HERC4: variants seen among roughly 807,000 people sequenced by gnomAD.
HERC4 encodes probable E3 ubiquitin-protein ligase HERC4.
Under a neutral mutation model 124.3 loss-of-function variants are expected in HERC4, and 28 were observed. That is an observed-to-expected ratio of 0.23 (90% CI 0.17 to 0.31). HERC4 has a LOEUF of 0.31. Ranked by LOEUF, HERC4 falls within the 10% of genes least tolerant of loss-of-function variation. The probability of loss-of-function intolerance (pLI) is 1.00; values close to 1 mark genes in which losing one functional copy is unlikely to be tolerated. For synonymous variants in HERC4, 407 were observed against 421.5 expected, an observed-to-expected ratio of 0.97 and a Z score of 0.42; for missense variants, 713 against 1,229.3, an observed-to-expected ratio of 0.58 and a Z score of 6.28.
At chr10:67,961,311 G>A (rs1589189703) in intron 16 of HERC4, 1 of 153,760 alleles carries the variant, frequency 6.5e-6, no homozygotes, top group Admixed American at 6.5e-5. Context: ...TATAATTTTG[G>A]TTCCTTGAGT....
chr10:68,035,738 G>T (rs1392464065), intron 5 of HERC4, among the ~76,000 whole-genome samples: 1 of 151,922 alleles, frequency 6.6e-6, no homozygotes, highest in Non-Finnish European at 1.5e-5. Flanking sequence ...ATTCTCCAAT[G>T]GCCAGTTCTC....
At chr10:67,975,118 G>C (rs1444317002) in intron 15 of HERC4, among the ~76,000 whole-genome samples, 1 of 152,000 alleles carries the variant, frequency 6.6e-6, no homozygotes, top group African/African-American at 2.4e-5. Context: ...GAACCCGGGA[G>C]GCAGAGGTTG....
At chr10:68,072,023 A>G (rs1028945555) in intron 3 of HERC4, among the ~76,000 whole-genome samples, 1 of 152,210 alleles carries the variant, frequency 6.6e-6, no homozygotes, top group African/African-American at 2.4e-5. Flanking sequence ...TAATAAACTG[A>G]TAAAATAACT....
chr10:67,959,968 T>A (rs1021079435), intron 16 of HERC4, among the ~76,000 whole-genome samples: 3 of 152,200 alleles, frequency 2.0e-5, no homozygotes, highest in Non-Finnish European at 2.9e-5. Context: ...AGAGAGGGCA[T>A]TGCCCTGGGT....
At chr10:68,058,437 T>C (rs879894885) in intron 3 of HERC4, among the ~76,000 whole-genome samples, 2 of 152,176 alleles carry the variant, frequency 1.3e-5, no homozygotes, top group Non-Finnish European at 2.9e-5. Flanking sequence ...CAGGACAATA[T>C]ACAGTCATTA....
intron 3 of HERC4, among the ~76,000 whole-genome samples, chr10:68,050,725 T>C (rs893424028): frequency 6.6e-6 from 1 of 152,190 alleles, no homozygotes; most frequent in Non-Finnish European, 1.5e-5. Flanking sequence ...CAACCATTTT[T>C]CCCCAGTATC....
chr10:68,061,422 A>C (rs956750271), intron 3 of HERC4, among the ~76,000 whole-genome samples: 2 of 151,252 alleles, frequency 1.3e-5, no homozygotes, highest in Admixed American at 1.3e-4. Flanking sequence ...AGTCCCAGCT[A>C]ATCGGGAGGC....
chr10:68,069,030 T>C (rs2041441217), intron 3 of HERC4: 1 of 984,292 alleles, frequency 1.0e-6, no homozygotes. Flanking sequence ...CCACTTTATT[T>C]ACAAATTATG....
At chr10:67,966,540 T>G (rs151134683) in intron 16 of HERC4, 143 bp downstream of exon 16, 14 of 699,134 alleles carry the variant, frequency 2.0e-5, no homozygotes, top group African/African-American at 1.7e-4. Context: ...ATAGCACTCC[T>G]TTGCAATGTG....
rs146943425 is a variant in HERC4, at chr10:67,991,144, C to T, written c.1327G>A (p.Val443Ile). 3.5e-5 allele frequency: 53 copies of T among 1,529,684 alleles called. No individual in the cohort carries two copies. In the East Asian group the frequency reaches 5.8e-4, roughly 17 times the overall value. 94.8% of individuals were successfully genotyped at this position (1,529,684 alleles called of 1,614,324 possible). Reference sequence around the variant, plus strand: ...TATTAAAGAATTGCCACTTACCTAACAGCTAAAAAACTTCCATTTAGGCAA... The same window carrying T: ...TATTAAAGAATTGCCACTTACCTAATAGCTAAAAAACTTCCATTTAGGCAA... ...SGCLNGSFLA[V>I]SNDDHYRTGT... Residue 443 changes from valine (V) to isoleucine (I), a missense_variant, in exon 12 of 25, where the codon GTT becomes ATT. Val to Ile is a conservative substitution (Grantham distance 29, BLOSUM62 3). Coordinates refer to ENST00000373700, the MANE Select transcript of HERC4 (RefSeq NM_015601.4).
intron 15 of HERC4, among the ~76,000 whole-genome samples, chr10:67,983,144 G>C (rs889310635): frequency 6.6e-5 from 10 of 150,910 alleles, no homozygotes; most frequent in Non-Finnish European, 1.5e-5. Flanking sequence ...CCGAACACCA[G>C]TGAAATGCAA....
At chr10:67,948,380 C>A (rs1286156115) in intron 19 of HERC4, among the ~76,000 whole-genome samples, 2 of 150,950 alleles carry the variant, frequency 1.3e-5, no homozygotes, top group Non-Finnish European at 3.0e-5. Flanking sequence ...AGACAATTCT[C>A]AAAAGTAGAT....
At chr10:67,992,857 AATG>A (rs1374080254) in intron 9 of HERC4, 175 bp from the exon 10 acceptor site, 1 of 500,910 alleles carries the variant, frequency 2.0e-6, no homozygotes, top group East Asian at 3.3e-5. Context: ...AGACTGACCA[AATG>A]ATGAACATTA....
intron 9 of HERC4, among the ~76,000 whole-genome samples, chr10:67,996,726 T>A (rs2036905023): frequency 6.6e-6 from 1 of 152,098 alleles, no homozygotes; most frequent in Non-Finnish European, 1.5e-5. Flanking sequence ...GGCTCACACT[T>A]GTAATCTCAG....
At chr10:68,009,770 CTCT>C (rs2037821917) in intron 9 of HERC4, among the ~76,000 whole-genome samples, 29 of 152,276 alleles carry the variant, frequency 1.9e-4, no homozygotes, top group Admixed American at 1.8e-3. Flanking sequence ...AGAGTCAAGC[CTCT>C]TAACCCCTGC....
intron 16 of HERC4, 102 bp from the exon 17 acceptor site, chr10:67,957,078 A>C: frequency 1.7e-6 from 1 of 597,774 alleles, no homozygotes; most frequent in Non-Finnish European, 2.9e-6. Flanking sequence ...TTGTTTATTC[A>C]CTCATGTGGT....
At chr10:67,930,379 C>T (rs943547666) in intron 23 of HERC4, among the ~76,000 whole-genome samples, 1 of 152,122 alleles carries the variant, frequency 6.6e-6, no homozygotes, top group Non-Finnish European at 1.5e-5. Context: ...TCTAGTAAAA[C>T]TGAAACTCTG....
rs564389653 is a variant in HERC4 at position 68,035,140 on chromosome 10, TCAA to T, written c.464-957_464-955del. 4.3e-3 allele frequency among the ~76,000 whole-genome samples: 659 copies of T among 151,704 alleles called. 2 individuals carry two copies. The highest frequency in any genetic ancestry group is 0.012 in the African/African-American group (512 of 41,354). ...AAAAATCAGAATCCTGGTTCCTCTT[TCAA>T]GAGACAACCACTCTTTTTTTTTTTT... On this transcript the variant is annotated intron_variant, in intron 5 of 24. Coordinates refer to ENST00000373700, the MANE Select transcript of HERC4 (RefSeq NM_015601.4).
rs1226126130 is a variant in HERC4, at chr10:68,006,302, A to T, written c.1069+7724T>A. 2.0e-5 allele frequency among the ~76,000 whole-genome samples: 3 copies of T among 151,440 alleles called. No individual in the cohort carries two copies. The East Asian group carries it at 5.8e-4, about 29-fold the overall frequency. ...AATGTCCCTTTCCTTCAGAATGAAA[A>T]ACTCCCTTTAGCATTTCTTATAGTA... On this transcript the variant is annotated intron_variant, in intron 9 of 24. Transcript: ENST00000373700.
Sources: gnomAD v4.1 joint callset for allele counts (sites outside exome capture counted in the v4.1 genomes callset) on GRCh38, gnomAD v4.1.1 for gene constraint, MANE v1.5 for transcripts, NCBI Gene and HGNC (gene_info 2026-07-23, HGNC 2026-07-21) for gene names.